The following PDZRN4 variants were observed in gnomAD, a reference collection of about 807,000 sequenced individuals.
PDZRN4 encodes PDZ domain-containing RING finger protein 4.
Under a neutral mutation model 99.0 loss-of-function variants are expected in PDZRN4, and 70 were observed. That is an observed-to-expected ratio of 0.71 (90% CI 0.58 to 0.86). The LOEUF is 0.86. Ranked by LOEUF, PDZRN4 falls within the 40% of genes least tolerant of loss-of-function variation. The pLI, the probability that PDZRN4 is intolerant of heterozygous loss-of-function variation, is 0.00. For synonymous variants in PDZRN4, 551 were observed against 501.6 expected (o/e 1.10, Z -1.32); for missense variants, 1,474 against 1,331.2 (o/e 1.11, Z -1.67).
chr12:41,199,404 T>A (rs1033772527), intron 3 of PDZRN4, among the ~76,000 whole-genome samples: 3 of 152,136 alleles, frequency 2.0e-5, no homozygotes, highest in African/African-American at 7.2e-5. Context: ...TACACACTAT[T>A]GGTTGGAATG....
chr12:41,206,507 CTTAA>C (rs990860709), intron 3 of PDZRN4, among the ~76,000 whole-genome samples: 4 of 150,950 alleles, frequency 2.6e-5, no homozygotes, highest in Non-Finnish European at 4.4e-5. Flanking sequence ...AATTATTAAG[CTTAA>C]TTATTTATTA....
At chr12:41,418,681 G>A (rs1309670541) in intron 3 of PDZRN4, among the ~76,000 whole-genome samples, 1 of 152,158 alleles carries the variant, frequency 6.6e-6, no homozygotes, top group Non-Finnish European at 1.5e-5. Context: ...TTGTTGTTAT[G>A]TAAAACAAAG....
intron 9 of PDZRN4, among the ~76,000 whole-genome samples, chr12:41,568,770 TTTAA>T (rs1396242427): frequency 9.9e-5 from 15 of 151,776 alleles, no homozygotes; most frequent in African/African-American, 2.7e-4. Flanking sequence ...TACTGATTTG[TTTAA>T]TTATCTTCCT....
At chr12:41,399,469 T>A (rs1231691558) in intron 3 of PDZRN4, among the ~76,000 whole-genome samples, 2 of 152,224 alleles carry the variant, frequency 1.3e-5, no homozygotes, top group African/African-American at 4.8e-5. Context: ...GCTCAGTGGC[T>A]CATGCCTGTA....
intron 3 of PDZRN4, among the ~76,000 whole-genome samples, chr12:41,284,536 G>A (rs1027747958): frequency 6.6e-6 from 1 of 152,090 alleles, no homozygotes; most frequent in African/African-American, 2.4e-5. Flanking sequence ...CAAAAAAAGA[G>A]CCCATATATG....
In PDZRN4 at chr12:41,196,693, C is replaced by T. The variant is rs1950775500; in HGVS notation, c.843+2505C>T. 3.3e-5 allele frequency among the ~76,000 whole-genome samples: 5 copies of T among 151,778 alleles called. No homozygotes were observed. In the South Asian group the frequency reaches 8.3e-4, roughly 25 times the overall value. ...AAAGTTAGAAATATTTGATGCTTATCATTATTTTAGTTTCTCTGTCATTAT... is the reference window on the plus strand; with the variant it reads ...AAAGTTAGAAATATTTGATGCTTATTATTATTTTAGTTTCTCTGTCATTAT... On this transcript the variant is annotated intron_variant, in intron 3 of 9. Coordinates refer to ENST00000402685, the MANE Select transcript of PDZRN4 (RefSeq NM_001164595.2).
Position 41,221,098 on chromosome 12 carries a change from A to G in PDZRN4, c.843+26910A>G, listed in dbSNP as rs541689394. Among the ~76,000 whole-genome samples the G allele has an allele frequency of 2.0e-5, 3 of 152,304 alleles. No homozygotes were observed. The South Asian group carries it at 6.2e-4, about 32-fold the overall frequency. ...GCCTTGCTCTCTCTCTTTCCTGCTC[A>G]CATGTCAGGAAACAAAGGACACTGG... On this transcript the variant is annotated intron_variant, in intron 3 of 9. Coordinates refer to ENST00000402685, the MANE Select transcript of PDZRN4 (RefSeq NM_001164595.2).
intron 3 of PDZRN4, among the ~76,000 whole-genome samples, chr12:41,261,225 G>A (rs990445461): frequency 1.3e-5 from 2 of 151,832 alleles, no homozygotes; most frequent in Admixed American, 6.6e-5. Context: ...ACTACCTTTC[G>A]TTGCATTTCG....
intron 3 of PDZRN4, among the ~76,000 whole-genome samples, chr12:41,451,863 A>T (rs923761058): frequency 5.9e-5 from 9 of 152,170 alleles, no homozygotes; most frequent in Admixed American, 2.0e-4. Flanking sequence ...CCTCATTCTC[A>T]TCTTCTACTA....
intron 3 of PDZRN4, among the ~76,000 whole-genome samples, chr12:41,278,101 C>T (rs1015496232): frequency 6.6e-6 from 1 of 152,136 alleles, no homozygotes; most frequent in African/African-American, 2.4e-5. Flanking sequence ...TAAGATGATC[C>T]TTTTCCTCCT....
chr12:41,434,822 C>T (rs1952615137), intron 3 of PDZRN4, among the ~76,000 whole-genome samples: 1 of 151,980 alleles, frequency 6.6e-6, no homozygotes, highest in East Asian at 1.9e-4. Context: ...ATTTTTTATC[C>T]CGTATTATTA....
chr12:41,532,111 G>A, intron 5 of PDZRN4, among the ~76,000 whole-genome samples: 1 of 152,054 alleles, frequency 6.6e-6, no homozygotes, highest in East Asian at 1.9e-4. Flanking sequence ...ACTGTGGTTA[G>A]AATTTGGGGC....
chr12:41,244,667 C>CTT (rs750126673), intron 3 of PDZRN4, among the ~76,000 whole-genome samples: 1,172 of 112,952 alleles, frequency 0.01, 51 homozygotes, highest in African/African-American at 0.039. Flanking sequence ...ACACCAATGT[C>CTT]TTTTTTTTTT....
rs542447442 is a variant in PDZRN4 at position 41,494,693 on chromosome 12, G to A, written c.844-11763G>A. Among the ~76,000 whole-genome samples, 3 of 152,084 alleles carry A rather than the reference G, an allele frequency of 2.0e-5. No individual in the cohort carries two copies. In the South Asian group the frequency reaches 6.2e-4, roughly 32 times the overall value. On this transcript the variant is annotated intron_variant, in intron 3 of 9. Transcript: ENST00000402685. ...AAAGTTAAGGGCATGGTGTTGGGAAGGTTATGGGCACAAGTTCAGGTGGTT... is the reference window on the plus strand; with the variant it reads ...AAAGTTAAGGGCATGGTGTTGGGAAAGTTATGGGCACAAGTTCAGGTGGTT...
At chr12:41,491,169 C>T (rs770203613) in intron 3 of PDZRN4, among the ~76,000 whole-genome samples, 7 of 152,082 alleles carry the variant, frequency 4.6e-5, no homozygotes, top group Non-Finnish European at 8.8e-5. Flanking sequence ...GTTGTCTAAA[C>T]TGTCAGTCGA....
intron 3 of PDZRN4, among the ~76,000 whole-genome samples, chr12:41,204,951 G>C (rs112138533): frequency 0.017 from 2,648 of 151,758 alleles, 56 homozygotes; most frequent in African/African-American, 0.048. Flanking sequence ...CACCATTTCT[G>C]TGCTCTGTCA....
At chr12:41,331,585 C>T (rs988697681) in intron 3 of PDZRN4, among the ~76,000 whole-genome samples, 1 of 152,028 alleles carries the variant, frequency 6.6e-6, no homozygotes, top group Admixed American at 6.6e-5. Context: ...TGGCATTCAG[C>T]GATTTCTATT....
chr12:41,286,284 C>T (rs1385198047), intron 3 of PDZRN4, among the ~76,000 whole-genome samples: 1 of 150,384 alleles, frequency 6.6e-6, no homozygotes, highest in African/African-American at 2.4e-5. Flanking sequence ...AAGAAGAAGG[C>T]TGATCGCTCA....
intron 3 of PDZRN4, among the ~76,000 whole-genome samples, chr12:41,490,090 C>T (rs1048862548): frequency 5.3e-5 from 8 of 152,072 alleles, no homozygotes; most frequent in Non-Finnish European, 7.4e-5. Flanking sequence ...CAATATTTGC[C>T]TCTTATTTAA....
Sources: gnomAD v4.1 joint callset for allele counts (sites outside exome capture counted in the v4.1 genomes callset) on GRCh38, gnomAD v4.1.1 for gene constraint, MANE v1.5 for transcripts, NCBI Gene and HGNC (gene_info 2026-07-23, HGNC 2026-07-21) for gene names.